Variants in CNTNAP3B observed in about 807,000 individuals in gnomAD.
CNTNAP3B encodes contactin-associated protein-like 3B.
A neutral mutation model predicts 108.9 loss-of-function variants in CNTNAP3B; 25 were observed. The observed-to-expected ratio is 0.23, with a 90% confidence interval of 0.17 to 0.32. The LOEUF (loss-of-function observed/expected upper bound fraction) is 0.32. Ranked by LOEUF, CNTNAP3B falls within the 10% of genes least tolerant of loss-of-function variation. The pLI is 1.00. For missense variants in CNTNAP3B, 252 were observed against 1,210.4 expected, an observed-to-expected ratio of 0.21 and a Z score of 11.75; for synonymous variants, 103 against 473.4, an observed-to-expected ratio of 0.22 and a Z score of 10.16.
intron 11 of CNTNAP3B, among the ~76,000 whole-genome samples, chr9:41,963,485 A>T (rs534240991): frequency 6.7e-6 from 1 of 150,000 alleles, no homozygotes; most frequent in Non-Finnish European, 1.5e-5. Flanking sequence ...GTGATTCTTC[A>T]GTAAAGACAG....
At chr9:41,972,660 G>A (rs1181464597) in intron 9 of CNTNAP3B, among the ~76,000 whole-genome samples, 1 of 135,508 alleles carries the variant, frequency 7.4e-6, no homozygotes, top group Non-Finnish European at 1.6e-5. Flanking sequence ...CACCATATTT[G>A]TTTAAAAGTT....
intron 13 of CNTNAP3B, among the ~76,000 whole-genome samples, chr9:41,942,737 G>A (rs1294404512): frequency 6.6e-6 from 1 of 152,238 alleles, no homozygotes; most frequent in African/African-American, 2.4e-5. Context: ...AAATGAAAGA[G>A]CTGTCAATTT....
chr9:41,982,520 C>T, intron 9 of CNTNAP3B, among the ~76,000 whole-genome samples: 1 of 123,868 alleles, frequency 8.1e-6, no homozygotes, highest in South Asian at 2.8e-4. Flanking sequence ...GATACCATCT[C>T]ACACCAGTCA....
At chr9:41,925,352 G>C (rs1456165454) in intron 15 of CNTNAP3B, among the ~76,000 whole-genome samples, 2 of 152,294 alleles carry the variant, frequency 1.3e-5, no homozygotes, top group Non-Finnish European at 1.5e-5. Context: ...CCAGCAGTTT[G>C]GGAGGCCAAG....
In CNTNAP3B at chr9:42,076,936, C is replaced by T; in HGVS notation, c.323G>A (p.Ser108Asn). ...ACCATCACTGAACATCAGGAGGTAG[C>T]TGGTCACCCAGTCAGAGCTCCCATA... ...GGYGSSDWVT[S>N]YLLMFSDGGR... Residue 108 changes from serine to asparagine, a missense_variant, in exon 3 of 24, where the codon AGC becomes AAC. Ser to Asn is a conservative substitution (Grantham distance 46, BLOSUM62 1). Transcript: ENST00000377561. The T allele has an allele frequency of 6.6e-7, 1 of 1,526,438 alleles. No homozygotes were observed. The highest frequency in any genetic ancestry group is 2.4e-5 in the East Asian group (1 of 41,272). 94.6% of individuals were successfully genotyped at this position (1,526,438 alleles called of 1,614,324 possible).
chr9:42,047,987 TA>T (rs1436180881), intron 3 of CNTNAP3B, among the ~76,000 whole-genome samples: 1 of 120,654 alleles, frequency 8.3e-6, no homozygotes, highest in African/African-American at 3.4e-5. Flanking sequence ...CATATTCCTT[TA>T]AAAGGCAGGA....
At chr9:41,936,847 C>G (rs1445987239) in intron 14 of CNTNAP3B, among the ~76,000 whole-genome samples, 232 of 148,536 alleles carry the variant, frequency 1.6e-3, no homozygotes, top group South Asian at 2.3e-3. Context: ...TAATTTTGAA[C>G]TTGAGGAAGA....
At chr9:41,969,595 G>T (rs1444978058) in intron 10 of CNTNAP3B, among the ~76,000 whole-genome samples, 5 of 151,996 alleles carry the variant, frequency 3.3e-5, no homozygotes, top group African/African-American at 1.2e-4. Flanking sequence ...TTTAAAAAAT[G>T]CTATTTATTC....
At chr9:41,932,425 C>A (rs1365487092) in intron 14 of CNTNAP3B, among the ~76,000 whole-genome samples, 6 of 151,544 alleles carry the variant, frequency 4.0e-5, no homozygotes, top group African/African-American at 1.2e-4. Context: ...TGCCAGGGAA[C>A]TTTATTTAAG....
chr9:42,079,524 G>T, intron 2 of CNTNAP3B, among the ~76,000 whole-genome samples: 1 of 122,160 alleles, frequency 8.2e-6, no homozygotes, highest in East Asian at 3.0e-4. Flanking sequence ...GTTTTGTTTT[G>T]TTTTTGTTTT....
At chr9:42,119,877 A>G (rs1444431480) in intron 1 of CNTNAP3B, among the ~76,000 whole-genome samples, 1 of 140,724 alleles carries the variant, frequency 7.1e-6, no homozygotes, top group Non-Finnish European at 1.5e-5. Context: ...AAACCCTAGA[A>G]GAAAACCTAG....
At chr9:42,082,676 GTT>G (rs1312905616) in intron 2 of CNTNAP3B, among the ~76,000 whole-genome samples, 1 of 99,672 alleles carries the variant, frequency 1.0e-5, no homozygotes, top group Non-Finnish European at 2.0e-5. Context: ...CTAAAAATGT[GTT>G]CATAAAAAAA....
intron 10 of CNTNAP3B, among the ~76,000 whole-genome samples, chr9:41,966,899 G>A (rs1174069649): frequency 3.5e-4 from 53 of 150,014 alleles, no homozygotes; most frequent in African/African-American, 1.2e-3. Context: ...CCCAGGAGGC[G>A]GAGCTTGCAG....
intron 9 of CNTNAP3B, chr9:41,980,722 A>C (rs1342224789): frequency 1.4e-5 from 2 of 147,562 alleles, no homozygotes; most frequent in Non-Finnish European, 3.0e-5. Flanking sequence ...TCAACAAATG[A>C]GGCATTGGAG....
chr9:41,969,983 AAG>A (rs761724848), intron 10 of CNTNAP3B, 89 bp downstream of exon 10: 11 of 1,330,298 alleles, frequency 8.3e-6, no homozygotes, highest in Non-Finnish European at 1.1e-5. Context: ...AACAACGAAA[AAG>A]AGAACGGAAT....
chr9:41,916,598 T>A (rs1823523594), intron 18 of CNTNAP3B, among the ~76,000 whole-genome samples: 2 of 147,320 alleles, frequency 1.4e-5, no homozygotes, highest in African/African-American at 5.0e-5. Context: ...TACCTAATAG[T>A]TGTATGTATT....
At chr9:42,097,812 T>C (rs1198150894) in intron 2 of CNTNAP3B, among the ~76,000 whole-genome samples, 1 of 136,740 alleles carries the variant, frequency 7.3e-6, no homozygotes, top group Non-Finnish European at 1.6e-5. Flanking sequence ...GAGCATGGAA[T>C]AAGAAGAGAA....
At chr9:41,933,793 C>A (rs1250254348) in intron 14 of CNTNAP3B, among the ~76,000 whole-genome samples, 6 of 152,260 alleles carry the variant, frequency 3.9e-5, no homozygotes, top group African/African-American at 4.8e-5. Context: ...CTGACACATG[C>A]ATGAGCTTTT....
At chr9:42,119,532 A>C in intron 1 of CNTNAP3B, among the ~76,000 whole-genome samples, 1 of 126,256 alleles carries the variant, frequency 7.9e-6, no homozygotes, top group Non-Finnish European at 1.7e-5. Context: ...GTCAATCCTA[A>C]GCCAAAAGAA....
Sources: allele counts gnomAD v4.1 joint callset (sites outside exome capture counted in the v4.1 genomes callset), GRCh38; gene constraint gnomAD v4.1.1; transcripts MANE v1.5; gene names NCBI Gene and HGNC (gene_info 2026-07-23, HGNC 2026-07-21).